CCDC85A: variants seen among roughly 807,000 people sequenced by gnomAD.
CCDC85A encodes the protein coiled-coil domain containing 85A.
In CCDC85A, 38 loss-of-function variants were observed where a neutral mutation model predicts 50.2. That is an observed-to-expected ratio of 0.76 (90% CI 0.58 to 0.99). The LOEUF is 0.99. CCDC85A is among the 50% of genes least tolerant of loss of function. CCDC85A has a pLI of 0.00. For missense variants in CCDC85A, 820 were observed against 742.0 expected (o/e 1.11, Z -1.22); for synonymous variants, 366 against 301.4 (o/e 1.21, Z -2.22).
intron 3 of CCDC85A, among the ~76,000 whole-genome samples, chr2:56,348,626 A>G (rs1050563660): frequency 1.3e-5 from 2 of 152,200 alleles, no homozygotes; most frequent in African/African-American, 2.4e-5. Flanking sequence ...TGTTGCCACA[A>G]GTGCTGAGAA....
chr2:56,341,887 C>A (rs1341938294), intron 2 of CCDC85A, among the ~76,000 whole-genome samples: 1 of 151,962 alleles, frequency 6.6e-6, no homozygotes, highest in African/African-American at 2.4e-5. Context: ...CTGTCAATGT[C>A]TGTAAGTTTG....
At chr2:56,186,125 G>A (rs547970162) in intron 1 of CCDC85A, among the ~76,000 whole-genome samples, 3 of 152,336 alleles carry the variant, frequency 2.0e-5, no homozygotes, top group African/African-American at 4.8e-5. Flanking sequence ...TCCCGAGGCC[G>A]AAAGTCATTG....
chr2:56,265,412 TAAA>T (rs1670395689), intron 2 of CCDC85A, among the ~76,000 whole-genome samples: 1 of 102,658 alleles, frequency 9.7e-6, no homozygotes, highest in Non-Finnish European at 2.1e-5. Flanking sequence ...AACCCTATTT[TAAA>T]AAGGGCAAAG....
intron 2 of CCDC85A, among the ~76,000 whole-genome samples, chr2:56,210,262 G>T (rs190612010): frequency 6.6e-6 from 1 of 151,964 alleles, no homozygotes; most frequent in South Asian, 2.1e-4. Context: ...TGTCCCAAAT[G>T]GTGTTTTGAC....
At chr2:56,374,015 A>G (rs1676211061) in intron 4 of CCDC85A, among the ~76,000 whole-genome samples, 1 of 152,288 alleles carries the variant, frequency 6.6e-6, no homozygotes, top group African/African-American at 2.4e-5. Flanking sequence ...CTTCCATTAG[A>G]TGTATTAGGC....
intron 3 of CCDC85A, among the ~76,000 whole-genome samples, chr2:56,357,710 G>T (rs547402850): frequency 7.1e-6 from 1 of 140,058 alleles, no homozygotes; most frequent in African/African-American, 2.7e-5. Flanking sequence ...GTTGCAGCCT[G>T]AAATGGACCT....
intron 2 of CCDC85A, among the ~76,000 whole-genome samples, chr2:56,242,494 C>T: frequency 6.6e-6 from 1 of 152,052 alleles, no homozygotes; most frequent in Non-Finnish European, 1.5e-5. Context: ...CACACTTTTA[C>T]ACAACCAGAT....
At chr2:56,332,399 T>C (rs1436511123) in intron 2 of CCDC85A, among the ~76,000 whole-genome samples, 2 of 152,132 alleles carry the variant, frequency 1.3e-5, no homozygotes, top group African/African-American at 4.8e-5. Context: ...AGATTTGGTG[T>C]CTGGTGGAAG....
intron 2 of CCDC85A, among the ~76,000 whole-genome samples, chr2:56,254,393 C>T (rs1669894767): frequency 6.6e-6 from 1 of 151,962 alleles, no homozygotes; most frequent in African/African-American, 2.4e-5. Context: ...CATCCTGAAA[C>T]AATTAAATAG....
intron 2 of CCDC85A, among the ~76,000 whole-genome samples, chr2:56,255,233 G>A (rs1669931601): frequency 6.6e-6 from 1 of 152,178 alleles, no homozygotes; most frequent in African/African-American, 2.4e-5. Flanking sequence ...GGTTATAATA[G>A]CATTTACTGA....
chr2:56,220,311 T>C (rs1668271104), intron 2 of CCDC85A, among the ~76,000 whole-genome samples: 1 of 152,042 alleles, frequency 6.6e-6, no homozygotes, highest in Non-Finnish European at 1.5e-5. Context: ...TTAAATCAGG[T>C]ATACTACACA....
chr2:56,233,176 T>A (rs1209837960), intron 2 of CCDC85A, among the ~76,000 whole-genome samples: 6 of 152,194 alleles, frequency 3.9e-5, no homozygotes, highest in Non-Finnish European at 8.8e-5. Flanking sequence ...CAGCTCCTGG[T>A]AGACCTGGGC....
chr2:56,208,698 C>T (rs1677054895), intron 2 of CCDC85A, among the ~76,000 whole-genome samples: 1 of 151,996 alleles, frequency 6.6e-6, no homozygotes, highest in African/African-American at 2.4e-5. Flanking sequence ...TCAAGCTTTC[C>T]CTTCCTTTTC....
chr2:56,224,876 T>C (rs1668477930), intron 2 of CCDC85A, among the ~76,000 whole-genome samples: 1 of 152,154 alleles, frequency 6.6e-6, no homozygotes, highest in East Asian at 1.9e-4. Context: ...CAAATAGTTG[T>C]TTCTCATTCT....
At chr2:56,304,189 A>G (rs1228386013) in intron 2 of CCDC85A, among the ~76,000 whole-genome samples, 1 of 152,208 alleles carries the variant, frequency 6.6e-6, no homozygotes, top group East Asian at 1.9e-4. Flanking sequence ...TTCATGACTA[A>G]TGCCACTTAC....
chr2:56,231,454 C>G (rs557226091), intron 2 of CCDC85A, among the ~76,000 whole-genome samples: 1 of 152,004 alleles, frequency 6.6e-6, no homozygotes, highest in Non-Finnish European at 1.5e-5. Flanking sequence ...CAGGTAATTG[C>G]GTTTGGTGGA....
chr2:56,370,126 G>C (rs1010395806), intron 3 of CCDC85A, among the ~76,000 whole-genome samples: 1 of 152,130 alleles, frequency 6.6e-6, no homozygotes, highest in Non-Finnish European at 1.5e-5. Context: ...AAAATAGGAA[G>C]TGACGATCTT....
At chr2:56,233,342 A>G (rs1668857548) in intron 2 of CCDC85A, among the ~76,000 whole-genome samples, 1 of 152,196 alleles carries the variant, frequency 6.6e-6, no homozygotes, top group Non-Finnish European at 1.5e-5. Flanking sequence ...TGATGAGACT[A>G]CATACCTTCC....
In CCDC85A at chr2:56,372,456, G is replaced by A; in HGVS notation, c.1430G>A (p.Gly477Glu). Residue 477 changes from glycine to glutamate, a missense_variant, in exon 4 of 6, where the codon GGA becomes GAA. Physicochemically the swap from Gly to Glu is moderately conservative, Grantham distance 98. Coordinates refer to ENST00000407595, the MANE Select transcript of CCDC85A (RefSeq NM_001080433.2). ...LQWWQGCRGI[G>E]RCLPTLPGSF... is the part of the protein sequence containing the mutation. ...TGGTGGCAAGGGTGCCGAGGAATAG[G>A]ACGATGCCTGCCTACTCTCCCGGTG... The A allele has an allele frequency of 6.2e-7, 1 of 1,609,310 alleles. No homozygotes were observed. The highest frequency in any genetic ancestry group is 1.3e-5 in the African/African-American group (1 of 74,944).
Sources: allele counts gnomAD v4.1 joint callset (sites outside exome capture counted in the v4.1 genomes callset), GRCh38; gene constraint gnomAD v4.1.1; transcripts MANE v1.5; gene names NCBI Gene and HGNC (gene_info 2026-07-23, HGNC 2026-07-21).